Variants in PMVK observed in about 807,000 individuals in gnomAD.
PMVK encodes the protein testis tissue sperm-binding protein Li 95mP.
PMVK carries 10 observed loss-of-function variants against 19.0 expected under a neutral mutation model. That is an observed-to-expected ratio of 0.53 (90% CI 0.32 to 0.89). The LOEUF is 0.89. Ranked by LOEUF, PMVK falls within the 40% of genes least tolerant of loss-of-function variation. The pLI is 0.03. For synonymous variants in PMVK, 108 were observed against 101.6 expected (o/e 1.06, Z -0.38); for missense variants, 222 against 251.1 (o/e 0.88, Z 0.78).
chr1:154,929,845 C>T (rs1036286145), intron 2 of PMVK, among the ~76,000 whole-genome samples: 1 of 152,104 alleles, frequency 6.6e-6, no homozygotes, highest in African/African-American at 2.4e-5. Context: ...GTCTGAAAAG[C>T]ATCACCTCGT....
chr1:154,925,080 G>GCCCCCCCCCCCCCCC lies in PMVK; in HGVS notation c.*48_*49insGGGGGGGGGGGGGGG. 4 of 1,459,206 alleles carry GCCCCCCCCCCCCCCC rather than the reference G, an allele frequency of 2.7e-6. No individual in the cohort carries two copies. The highest frequency in any genetic ancestry group is 1.9e-4 in the Middle Eastern group (1 of 5,308). The allele number at this position is 1,459,206 out of a possible 1,614,324, so 90.4% of individuals were successfully genotyped here. A position where few individuals can be genotyped will look rare whatever the true frequency, so the allele number is the denominator to read the frequency against. On this transcript the variant is annotated 3_prime_UTR_variant, in exon 5 of 5. Coordinates refer to ENST00000368467, the MANE Select transcript of PMVK (RefSeq NM_006556.4). ...GGGACACCCCCATTTTGCAGAGTCA[G>GCCCCCCCCCCCCCCC]CCCCACCCCCACCTCAGCAGGCCCC...
upstream of PMVK, among the ~76,000 whole-genome samples, chr1:154,939,547 A>G (rs1654597849): frequency 1.3e-5 from 2 of 151,330 alleles, no homozygotes; most frequent in Non-Finnish European, 3.0e-5. Context: ...AAAAAACAAA[A>G]CAGCCAAGCG....
At chr1:154,926,289 C>G in intron 4 of PMVK, 65 bp downstream of exon 4, 1 of 1,526,500 alleles carries the variant, frequency 6.6e-7, no homozygotes, top group Non-Finnish European at 9.0e-7. Context: ...CCAGGCCTGC[C>G]CGGTAGACAA....
At chr1:154,925,808 A>G (rs941821697) in intron 4 of PMVK, among the ~76,000 whole-genome samples, 2 of 152,224 alleles carry the variant, frequency 1.3e-5, no homozygotes, top group African/African-American at 4.8e-5. Flanking sequence ...GAGACAGTGC[A>G]TATAAAATGC....
At chr1:154,936,484 A>G in intron 1 of PMVK, 107 bp downstream of exon 1, 1 of 1,505,566 alleles carries the variant, frequency 6.6e-7, no homozygotes. Context: ...CCTGCCTTGC[A>G]AACGGACGAC....
At chr1:154,932,701 G>A (rs921231967) in intron 1 of PMVK, among the ~76,000 whole-genome samples, 5 of 152,194 alleles carry the variant, frequency 3.3e-5, no homozygotes, top group Admixed American at 6.5e-5. Flanking sequence ...GTGAACAGGC[G>A]CACAATATTC....
the PMVK span, among the ~76,000 whole-genome samples, chr1:154,942,346 C>T: frequency 1.3e-5 from 2 of 152,208 alleles, no homozygotes; most frequent in Non-Finnish European, 2.9e-5. Flanking sequence ...GAATGCTGTC[C>T]CTTGGCTCTA....
At chr1:154,936,558 C>T (rs1247390473) in intron 1 of PMVK, 33 bp downstream of exon 1, 1 of 1,570,854 alleles carries the variant, frequency 6.4e-7, no homozygotes, top group Non-Finnish European at 8.6e-7. Flanking sequence ...ATGCGGAGAG[C>T]TCCCCCTTCC....
At chr1:154,936,500 C>T in intron 1 of PMVK, 91 bp downstream of exon 1, 1 of 1,526,564 alleles carries the variant, frequency 6.6e-7, no homozygotes, top group Admixed American at 2.0e-5. Context: ...ACGACCCGTA[C>T]TCCAAAGCTC....
chr1:154,931,420 A>AT (rs896777136), intron 2 of PMVK, among the ~76,000 whole-genome samples: 3 of 151,864 alleles, frequency 2.0e-5, no homozygotes, highest in African/African-American at 4.8e-5. Context: ...CTGTTGACTT[A>AT]TTTTTTTTAT....
At position 154,932,363 on chromosome 1, in the gene PMVK, G is replaced by A; in HGVS notation, c.148C>T (p.Gln50Ter). The A allele has an allele frequency of 3.7e-6, 6 of 1,612,944 alleles. No homozygotes were observed. The highest frequency in any genetic ancestry group is 4.2e-6 in the Non-Finnish European group (5 of 1,179,134). Residue 50 changes from glutamine (Q) to a stop codon, truncating the protein, a stop_gained, in exon 2 of 5, where the codon CAG becomes TAG. Coordinates refer to ENST00000368467, the MANE Select transcript of PMVK (RefSeq NM_006556.4). LOFTEE classifies it high-confidence loss of function. Reference protein sequence around the residue: ...VLRLSGPLKEQYAQEHGLNFQ... With the variant: ...VLRLSGPLKE Reference sequence around the variant, plus strand: ...AAAGCACCACCTACCTGAGCATACTGTTCCTTGAGTGGACCAGAGAGCCGG... The same window carrying A: ...AAAGCACCACCTACCTGAGCATACTATTCCTTGAGTGGACCAGAGAGCCGG...
At chr1:154,927,483 A>C (rs1362459414) in intron 3 of PMVK, among the ~76,000 whole-genome samples, 1 of 148,496 alleles carries the variant, frequency 6.7e-6, no homozygotes, top group Non-Finnish European at 1.5e-5. Context: ...AAAACACAGG[A>C]AAGTCCTCCA....
chr1:154,941,814 T>A, the PMVK span, among the ~76,000 whole-genome samples: 2 of 152,050 alleles, frequency 1.3e-5, no homozygotes, highest in African/African-American at 4.8e-5. Context: ...GCCTGGGGCC[T>A]AGGGGACCTG....
chr1:154,933,727 C>T (rs1021902401), intron 1 of PMVK, among the ~76,000 whole-genome samples: 66 of 151,704 alleles, frequency 4.4e-4, no homozygotes, highest in Non-Finnish European at 9.1e-4. Context: ...CTCCTGATCT[C>T]GTGATCCGCC....
At chr1:154,936,395 C>T in intron 1 of PMVK, 196 bp downstream of exon 1, 1 of 985,388 alleles carries the variant, frequency 1.0e-6, no homozygotes, top group Non-Finnish European at 1.2e-6. Context: ...AGGTGGTCAC[C>T]TGCTTCTTTG....
intron 4 of PMVK, 64 bp downstream of exon 4, chr1:154,926,290 C>T (rs1054843650): frequency 3.0e-5 from 46 of 1,529,880 alleles, no homozygotes; most frequent in South Asian, 1.3e-4. Context: ...CAGGCCTGCC[C>T]GGTAGACAAA....
chr1:154,926,283 G>T (rs927858633), intron 4 of PMVK, 71 bp downstream of exon 4: 4 of 1,464,374 alleles, frequency 2.7e-6, no homozygotes, highest in Admixed American at 1.8e-5. Flanking sequence ...CTTCCCCCAG[G>T]CCTGCCCGGT....
chr1:154,926,323 C>T (rs1654155710), intron 4 of PMVK, 31 bp downstream of exon 4: 1 of 1,599,808 alleles, frequency 6.3e-7, no homozygotes, highest in African/African-American at 1.3e-5. Flanking sequence ...TAGCCTGTGT[C>T]CTCCTGTGCC....
intron 1 of PMVK, among the ~76,000 whole-genome samples, chr1:154,934,829 G>C (rs776912330): frequency 6.6e-6 from 1 of 152,018 alleles, no homozygotes; most frequent in African/African-American, 2.4e-5. Context: ...CTGGGAGGCC[G>C]AGGCAGGCAG....
Sources: gnomAD v4.1 joint callset for allele counts (sites outside exome capture counted in the v4.1 genomes callset) on GRCh38, gnomAD v4.1.1 for gene constraint, MANE v1.5 for transcripts, NCBI Gene and HGNC (gene_info 2026-07-23, HGNC 2026-07-21) for gene names.